TANGO2: variants seen among roughly 807,000 people sequenced by gnomAD.
TANGO2 encodes the protein transport and Golgi organization protein 2 homolog.
TANGO2 carries 26 observed loss-of-function variants against 39.1 expected under a neutral mutation model. The observed-to-expected ratio is 0.67, with a 90% CI of 0.49 to 0.92. The LOEUF (loss-of-function observed/expected upper bound fraction) is 0.92. TANGO2 is among the 40% of genes least tolerant of loss of function. TANGO2 has a pLI of 0.00. For missense variants in TANGO2, 326 were observed against 360.1 expected (o/e 0.91, Z 0.77); for synonymous variants, 131 against 144.5 (o/e 0.91, Z 0.67).
At chr22:20,036,953 G>C in intron 2 of TANGO2, 99 bp downstream of exon 2, 1 of 1,612,936 alleles carries the variant, frequency 6.2e-7, no homozygotes, top group Admixed American at 1.7e-5. Flanking sequence ...AGGTGTGTGG[G>C]CCAGGACGGG....
chr22:20,027,779 A>G (rs1420196353), intron 1 of TANGO2, among the ~76,000 whole-genome samples: 1 of 149,058 alleles, frequency 6.7e-6, no homozygotes, highest in African/African-American at 2.5e-5. Context: ...GGCTAATTTT[A>G]TTTTATTATT....
intron 1 of TANGO2, among the ~76,000 whole-genome samples, chr22:20,036,197 T>C (rs1055324017): frequency 1.3e-5 from 2 of 152,052 alleles, no homozygotes; most frequent in African/African-American, 4.8e-5. Flanking sequence ...TACCCAACAA[T>C]TAATAGGCGA....
At chr22:20,043,484 G>A (rs560861844) in intron 3 of TANGO2, 41 bp downstream of exon 3, 2 of 1,442,626 alleles carry the variant, frequency 1.4e-6, no homozygotes, top group East Asian at 2.3e-5. Flanking sequence ...GCGCCTTGTT[G>A]CTTCCCTAGC....
At chr22:20,040,694 G>A (rs773744165) in intron 2 of TANGO2, among the ~76,000 whole-genome samples, 16 of 152,226 alleles carry the variant, frequency 1.1e-4, no homozygotes, top group Non-Finnish European at 1.6e-4. Flanking sequence ...CAGGTCTGGG[G>A]CAAGTGCACT....
At chr22:20,062,928 TTGGTCAACA>T in intron 7 of TANGO2, 1 of 166,532 alleles carries the variant, frequency 6.0e-6, no homozygotes, top group Non-Finnish European at 1.3e-5. Context: ...CAAAACCAAC[TTGGTCAACA>T]TGGTGAAACT....
chr22:20,037,228 G>A (rs1196820781), intron 2 of TANGO2: 2 of 1,082,078 alleles, frequency 1.8e-6, no homozygotes, highest in African/African-American at 1.6e-5. Context: ...AGCTGCTGGT[G>A]AGAAGTCAAA....
intron 7 of TANGO2, among the ~76,000 whole-genome samples, chr22:20,062,690 A>G (rs2048604377): frequency 6.6e-6 from 1 of 151,868 alleles, no homozygotes; most frequent in Non-Finnish European, 1.5e-5. Flanking sequence ...GCTTGAGTGG[A>G]CTTCTGTCAC....
Position 20,026,751 on chromosome 22 carries a change from TG to T in TANGO2, c.-40+5510del, listed in dbSNP as rs139369449. ...AGGAGGTCACAAGTTGCCCAGCCAG[TG>T]GGGGATGCCCATAAAACCCTGGCGG... On this transcript the variant is annotated intron_variant, in intron 1 of 8. Transcript: ENST00000327374. 7.0e-3 allele frequency among the ~76,000 whole-genome samples: 1,060 copies of T among 152,332 alleles called. 10 individuals are homozygous for T. The highest frequency in any genetic ancestry group is 0.024 in the African/African-American group (1,005 of 41,584).
intron 6 of TANGO2, chr22:20,061,313 G>A (rs994178960): frequency 4.3e-5 from 21 of 494,014 alleles, no homozygotes; most frequent in Non-Finnish European, 2.8e-5. Flanking sequence ...TCCTGTGGGT[G>A]CCCGCTTCCG....
Position 20,057,888 on chromosome 22 carries a change from A to G in TANGO2, c.451+1875A>G, listed in dbSNP as rs440042. On this transcript the variant is annotated intron_variant, in intron 6 of 8. Transcript: ENST00000327374. The surrounding 1 kb of genome is among the most constrained non-coding windows in gnomAD (Gnocchi z 4.1). The stretch of plus-strand genomic sequence containing the variant: ...TCTGGGGCAGTCGCTGTAACCATCC[A>G]CGTGGCATCCTCGGTTCTCAGAGGC... 62,559 of 151,842 alleles carry G rather than the reference A, an allele frequency of 0.41. 13,410 individuals carry two copies. The highest frequency in any genetic ancestry group is 0.69 in the East Asian group (3,552 of 5,136). The allele number at this position is 151,842 out of a possible 1,614,324, so 9.4% of individuals were successfully genotyped here. A position where few individuals can be genotyped will look rare whatever the true frequency, so the allele number is the denominator to read the frequency against.
intron 3 of TANGO2, among the ~76,000 whole-genome samples, chr22:20,047,226 T>G (rs1205261432): frequency 6.6e-6 from 1 of 150,820 alleles, no homozygotes. Flanking sequence ...GTTTTTTGGT[T>G]TGTTTGTTTT....
upstream of TANGO2, among the ~76,000 whole-genome samples, chr22:20,020,126 T>C (rs2039461427): frequency 6.6e-6 from 1 of 152,228 alleles, no homozygotes; most frequent in Admixed American, 6.5e-5. Context: ...TGCCACCTTT[T>C]TCAACTTCAA....
At position 20,052,681 on chromosome 22, in the gene TANGO2, G is replaced by A. The variant is rs950620089; in HGVS notation, c.265+97G>A. 1.1e-5 allele frequency: 16 copies of A among 1,434,800 alleles called. No homozygotes were observed. In the Admixed American group the frequency reaches 2.9e-4, roughly 26 times the overall value. 88.9% of individuals were successfully genotyped at this position (1,434,800 alleles called of 1,614,324 possible). On this transcript the variant is annotated intron_variant, in intron 4 of 8. Coordinates refer to ENST00000327374, the MANE Select transcript of TANGO2 (RefSeq NM_152906.7). ...CCAAGGGACTACAGGACTGGCCAAT[G>A]TATGGTGGAGTGGGGCGGGCCAAGG...
intron 2 of TANGO2, among the ~76,000 whole-genome samples, chr22:20,037,890 G>A (rs2043164215): frequency 6.6e-6 from 1 of 152,156 alleles, no homozygotes; most frequent in Non-Finnish European, 1.5e-5. Flanking sequence ...AAGGTCAGGA[G>A]ATCCAGACCA....
intron 6 of TANGO2, among the ~76,000 whole-genome samples, chr22:20,060,078 G>C (rs528447292): frequency 2.4e-4 from 36 of 151,896 alleles, no homozygotes; most frequent in Non-Finnish European, 4.3e-4. Flanking sequence ...AGCCGGGCGC[G>C]GTGGCTCACG....
intron 2 of TANGO2, among the ~76,000 whole-genome samples, chr22:20,040,062 T>G (rs1308096761): frequency 1.3e-5 from 2 of 152,116 alleles, no homozygotes; most frequent in Non-Finnish European, 2.9e-5. Context: ...CTTCTACCCA[T>G]GTGCAGCCCC....
intron 3 of TANGO2, 144 bp from the exon 4 acceptor site, chr22:20,052,321 G>A: frequency 8.1e-7 from 1 of 1,232,430 alleles, no homozygotes; most frequent in South Asian, 1.5e-5. Flanking sequence ...CCATAGCTGG[G>A]GCTGCTGGGC....
At chr22:20,056,923 G>A (rs766047493) in intron 6 of TANGO2, 61 of 456,472 alleles carry the variant, frequency 1.3e-4, no homozygotes, top group South Asian at 9.4e-4. Flanking sequence ...GCTCACACAG[G>A]GTGTTCCGGC....
At chr22:20,048,289 T>C (rs1483179445) in intron 3 of TANGO2, 3 of 152,202 alleles carry the variant, frequency 2.0e-5, no homozygotes, top group African/African-American at 7.2e-5. Context: ...CCTGCCACCA[T>C]GTGAAGAAGG....
Sources: gnomAD v4.1 joint callset for allele counts (sites outside exome capture counted in the v4.1 genomes callset) on GRCh38, gnomAD v4.1.1 for gene constraint, Gnocchi (gnomAD v3.1) non-coding constraint, MANE v1.5 for transcripts, NCBI Gene and HGNC (gene_info 2026-07-23, HGNC 2026-07-21) for gene names.